The following IGF1 variants were observed in gnomAD, a reference collection of about 807,000 sequenced individuals.
IGF1 encodes insulin like growth factor 1.
IGF1 carries 4 observed loss-of-function variants against 13.8 expected under a neutral mutation model. The ratio of observed to expected loss-of-function variants is 0.29; its 90% confidence interval spans 0.14 to 0.66. IGF1 has a LOEUF of 0.66. Ranked by LOEUF, IGF1 falls within the 30% of genes least tolerant of loss-of-function variation. The pLI is 0.78. For synonymous variants in IGF1, 76 were observed against 72.6 expected (o/e 1.05, Z -0.23); for missense variants, 124 against 188.5 (o/e 0.66, Z 2.00).
intron 2 of IGF1, among the ~76,000 whole-genome samples, chr12:102,421,381 T>C (rs1164868954): frequency 1.3e-5 from 2 of 152,148 alleles, no homozygotes; most frequent in African/African-American, 2.4e-5. Context: ...TATAATCTTT[T>C]CCTGGAACTA....
rs542403453 is a variant in IGF1, at chr12:102,413,920, C to T, written c.402+5589G>A. 2.0e-5 allele frequency among the ~76,000 whole-genome samples: 3 copies of T among 152,216 alleles called. No individual in the cohort carries two copies. In the South Asian group the frequency reaches 6.2e-4, roughly 32 times the overall value. ...CTCTGGGTTGGAATGGTTCTTAGGT[C>T]ATTGAGTTCTCTTATCCTACCACAT... On this transcript the variant is annotated intron_variant, in intron 3 of 3. Transcript: ENST00000337514.
chr12:102,468,209 A>G (rs1391072880), intron 2 of IGF1, among the ~76,000 whole-genome samples: 4 of 152,158 alleles, frequency 2.6e-5, no homozygotes, highest in Non-Finnish European at 5.9e-5. Flanking sequence ...AATGCAAAAG[A>G]TTTTAATTTA....
chr12:102,465,826 A>G (rs918126211), intron 2 of IGF1, among the ~76,000 whole-genome samples: 4 of 152,014 alleles, frequency 2.6e-5, no homozygotes, highest in Non-Finnish European at 5.9e-5. Context: ...CATCCCAGCT[A>G]CTCGGGAGGC....
intron 2 of IGF1, among the ~76,000 whole-genome samples, chr12:102,420,654 ATTCTAT>A (rs1565971269): frequency 6.6e-6 from 1 of 152,116 alleles, no homozygotes; most frequent in Non-Finnish European, 1.5e-5. Flanking sequence ...AGAACAATGA[ATTCTAT>A]TTCTTATTGA....
chr12:102,461,611 T>C (rs1398970267), intron 2 of IGF1, among the ~76,000 whole-genome samples: 2 of 152,156 alleles, frequency 1.3e-5, no homozygotes, highest in Admixed American at 6.5e-5. Context: ...AATGTAACTA[T>C]TGAAAAAGAA....
intron 3 of IGF1, chr12:102,418,057 C>T: frequency 6.3e-7 from 1 of 1,576,592 alleles, no homozygotes; most frequent in Non-Finnish European, 8.6e-7. Context: ...CCATGGTGTC[C>T]CTTTGAATGA....
At chr12:102,454,507 C>A (rs535824711) in intron 2 of IGF1, among the ~76,000 whole-genome samples, 1 of 152,348 alleles carries the variant, frequency 6.6e-6, no homozygotes, top group South Asian at 2.1e-4. Flanking sequence ...CATCTGATGG[C>A]CACCTGCATG....
In IGF1 at chr12:102,441,953, T is replaced by TTCTTCTTCTTCTC. The variant is rs1555244154; in HGVS notation, c.221-22264_221-22263insGAGAAGAAGAAGA. Among the ~76,000 whole-genome samples, 5 of 140,326 alleles carry TTCTTCTTCTTCTC rather than the reference T, an allele frequency of 3.6e-5. No individual in the cohort carries two copies. The Admixed American group carries it at 4.1e-4, about 11-fold the overall frequency. 92.1% of individuals were successfully genotyped at this position (140,326 alleles called of 152,430 possible). ...CTTCTTCTTCTTCTTCTTCTTCTTC[T>TTCTTCTTCTTCTC]TCTTTTTTTTTTTTGAGACAGGGTT... On this transcript the variant is annotated intron_variant, in intron 2 of 3. Transcript: ENST00000337514.
At chr12:102,410,478 T>C (rs1186830641) in intron 3 of IGF1, among the ~76,000 whole-genome samples, 1 of 152,128 alleles carries the variant, frequency 6.6e-6, no homozygotes, top group African/African-American at 2.4e-5. Context: ...CTAGCAATTT[T>C]GCTGCTATGT....
chr12:102,440,407 C>T (rs1877616125), intron 2 of IGF1, among the ~76,000 whole-genome samples: 1 of 152,200 alleles, frequency 6.6e-6, no homozygotes, highest in East Asian at 1.9e-4. Flanking sequence ...AATGTCAGAG[C>T]TGCAAGACAT....
intron 3 of IGF1, among the ~76,000 whole-genome samples, chr12:102,417,306 T>C (rs1875230600): frequency 6.6e-6 from 1 of 152,182 alleles, no homozygotes; most frequent in African/African-American, 2.4e-5. Context: ...GCCTAAACCC[T>C]GGACTTGACT....
chr12:102,408,050 C>T (rs796511455), intron 3 of IGF1, among the ~76,000 whole-genome samples: 2 of 152,232 alleles, frequency 1.3e-5, no homozygotes, highest in African/African-American at 4.8e-5. Context: ...CTAGGAAAAG[C>T]CTGGCACTCT....
At chr12:102,432,642 A>G (rs1026735297) in intron 2 of IGF1, among the ~76,000 whole-genome samples, 18 of 152,204 alleles carry the variant, frequency 1.2e-4, no homozygotes, top group African/African-American at 4.3e-4. Context: ...TTACTAGTGC[A>G]GTTTCCTTTG....
At chr12:102,450,718 C>G (rs1878846559) in intron 2 of IGF1, among the ~76,000 whole-genome samples, 1 of 152,220 alleles carries the variant, frequency 6.6e-6, no homozygotes, top group South Asian at 2.1e-4. Flanking sequence ...TTCTCAATAT[C>G]TACATGCTGT....
intron 3 of IGF1, among the ~76,000 whole-genome samples, chr12:102,410,412 T>C (rs1257145594): frequency 6.6e-6 from 1 of 152,196 alleles, no homozygotes; most frequent in African/African-American, 2.4e-5. Context: ...AGGGAGTTGA[T>C]TTTGGAATTG....
intron 2 of IGF1, among the ~76,000 whole-genome samples, chr12:102,431,448 A>G (rs968514750): frequency 6.6e-6 from 1 of 152,180 alleles, no homozygotes; most frequent in African/African-American, 2.4e-5. Flanking sequence ...GCTTCCTACT[A>G]AGCTACTATA....
chr12:102,468,830 C>T (rs1040986168), intron 2 of IGF1, among the ~76,000 whole-genome samples: 2 of 152,176 alleles, frequency 1.3e-5, no homozygotes, highest in African/African-American at 2.4e-5. Flanking sequence ...AGGCTGTTAT[C>T]GAGAACAATG....
chr12:102,406,949 C>A (rs1270922180), intron 3 of IGF1, among the ~76,000 whole-genome samples: 1 of 151,896 alleles, frequency 6.6e-6, no homozygotes, highest in Non-Finnish European at 1.5e-5. Flanking sequence ...AAAAAATTAG[C>A]CTGGTGTGGT....
intron 2 of IGF1, among the ~76,000 whole-genome samples, chr12:102,459,982 G>A (rs1879766863): frequency 6.6e-6 from 1 of 152,160 alleles, no homozygotes. Flanking sequence ...AGCAGGAGTG[G>A]CATAGGTCAA....
Sources: gnomAD v4.1 joint callset for allele counts (sites outside exome capture counted in the v4.1 genomes callset) on GRCh38, gnomAD v4.1.1 for gene constraint, MANE v1.5 for transcripts, NCBI Gene and HGNC (gene_info 2026-07-23, HGNC 2026-07-21) for gene names.